HS3ST5: variants seen among roughly 807,000 people sequenced by gnomAD.
The protein encoded by HS3ST5 is heparan sulfate-glucosamine 3-sulfotransferase 5, also known as heparan sulfate glucosamine 3-O-sulfotransferase 5.
HS3ST5 carries 10 observed loss-of-function variants against 25.4 expected under a neutral mutation model. The observed-to-expected ratio is 0.39, with a 90% confidence interval of 0.24 to 0.67. The LOEUF (loss-of-function observed/expected upper bound fraction) is 0.67, where lower values mean the gene tolerates loss of function less well. HS3ST5 is among the 30% of genes least tolerant of loss of function. The probability of loss-of-function intolerance (pLI) is 0.44; values close to 1 mark genes in which losing one functional copy is unlikely to be tolerated. For synonymous variants in HS3ST5, 170 were observed against 162.4 expected (o/e 1.05, Z -0.36); for missense variants, 324 against 420.7 (o/e 0.77, Z 2.01).
At chr6:114,268,791 G>A (rs1054722596) in intron 1 of HS3ST5, among the ~76,000 whole-genome samples, 2 of 152,128 alleles carry the variant, frequency 1.3e-5, no homozygotes, top group African/African-American at 4.8e-5. Context: ...CAGGATAGAT[G>A]GGCTTTGACA....
rs981457511 is a variant in HS3ST5, at chr6:114,142,655, T to C, written c.-33+25696A>G. Reference sequence around the variant, plus strand: ...AGGTAAATGCCATTTACAGAAAGCATTCTGCATAATAAAACGATTTCAAAG... The same window carrying C: ...AGGTAAATGCCATTTACAGAAAGCACTCTGCATAATAAAACGATTTCAAAG... On this transcript the variant is annotated intron_variant, in intron 3 of 4. Transcript: ENST00000312719. The C allele has an allele frequency of 5.9e-5, 9 of 152,286 alleles. No individual in the cohort carries two copies. The East Asian group carries it at 9.6e-4, about 16-fold the overall frequency. 9.4% of individuals were successfully genotyped at this position (152,286 alleles called of 1,614,324 possible).
rs1554207034 is a variant in HS3ST5 at position 114,084,835 on chromosome 6, T to TTTC, written c.-32-21959_-32-21958insGAA. Reference sequence around the variant, plus strand: ...AAATTTCTTTTTTCTTTTCTTTTCTTTTTTTTTTTTTTTTTGAGACGGAGT... The same window carrying TTTC: ...AAATTTCTTTTTTCTTTTCTTTTCTTTTCTTTTTTTTTTTTTTTGAGACGGAGT... On this transcript the variant is annotated intron_variant, in intron 3 of 4. Coordinates refer to ENST00000312719, the MANE Select transcript of HS3ST5 (RefSeq NM_153612.4). The TTTC allele has an allele frequency of 2.4e-5, 9 of 367,682 alleles. No homozygotes were observed. In the East Asian group the frequency reaches 4.0e-4, roughly 16 times the overall value. 22.8% of individuals were successfully genotyped at this position (367,682 alleles called of 1,614,324 possible).
chr6:114,232,193 A>T (rs912517684), intron 1 of HS3ST5, among the ~76,000 whole-genome samples: 2 of 152,096 alleles, frequency 1.3e-5, no homozygotes, highest in Non-Finnish European at 2.9e-5. Flanking sequence ...ACCTTTCCAG[A>T]TTCTTCTAAT....
intron 1 of HS3ST5, among the ~76,000 whole-genome samples, chr6:114,310,527 CT>C (rs370173160): frequency 0.011 from 1,604 of 145,926 alleles, 22 homozygotes; most frequent in African/African-American, 0.032. Context: ...CACCAAATAG[CT>C]TTTTTTTTTT....
chr6:114,154,659 C>T (rs1248005355), intron 3 of HS3ST5, among the ~76,000 whole-genome samples: 2 of 152,178 alleles, frequency 1.3e-5, no homozygotes, highest in African/African-American at 2.4e-5. Context: ...GCCATTCTCC[C>T]TTCCCCTCAC....
chr6:114,064,625 T>C (rs1008150474), intron 3 of HS3ST5, among the ~76,000 whole-genome samples: 2 of 152,336 alleles, frequency 1.3e-5, no homozygotes, highest in African/African-American at 4.8e-5. Context: ...AGATTCTGTA[T>C]TGGGTACTAT....
intron 1 of HS3ST5, among the ~76,000 whole-genome samples, chr6:114,333,952 T>C (rs1206111894): frequency 6.6e-6 from 1 of 152,144 alleles, no homozygotes; most frequent in African/African-American, 2.4e-5. Context: ...CCCAAGCATC[T>C]GCAAGCCCAT....
At chr6:114,307,747 T>C (rs1037401132) in intron 1 of HS3ST5, among the ~76,000 whole-genome samples, 3 of 152,062 alleles carry the variant, frequency 2.0e-5, no homozygotes, top group Non-Finnish European at 4.4e-5. Context: ...GATAGCAATA[T>C]AACCAAGAAA....
chr6:114,309,822 C>T (rs980897560), intron 1 of HS3ST5, among the ~76,000 whole-genome samples: 1 of 152,160 alleles, frequency 6.6e-6, no homozygotes, highest in Non-Finnish European at 1.5e-5. Flanking sequence ...AAATATAGTA[C>T]TACATTTGTC....
At chr6:114,233,345 C>A (rs573752131) in intron 1 of HS3ST5, among the ~76,000 whole-genome samples, 1 of 152,136 alleles carries the variant, frequency 6.6e-6, no homozygotes, top group African/African-American at 2.4e-5. Context: ...ACTAATAATT[C>A]AACTCTGAAT....
intron 3 of HS3ST5, among the ~76,000 whole-genome samples, chr6:114,102,220 A>G (rs930877543): frequency 6.6e-6 from 1 of 152,242 alleles, no homozygotes; most frequent in Non-Finnish European, 1.5e-5. Context: ...AAGAATGTGT[A>G]TTAACTGCAG....
intron 2 of HS3ST5, among the ~76,000 whole-genome samples, chr6:114,203,560 A>G (rs1345573739): frequency 6.6e-6 from 1 of 152,144 alleles, no homozygotes; most frequent in African/African-American, 2.4e-5. Context: ...TCTTTGAGAT[A>G]TTTTTCAGAC....
At chr6:114,143,148 T>A (rs965501754) in intron 3 of HS3ST5, 1 of 152,236 alleles carries the variant, frequency 6.6e-6, no homozygotes, top group Non-Finnish European at 1.5e-5. Context: ...TCACTGGACA[T>A]GTGGCCTTGG....
At chr6:114,338,549 A>G (rs1776700559) in intron 1 of HS3ST5, among the ~76,000 whole-genome samples, 1 of 152,018 alleles carries the variant, frequency 6.6e-6, no homozygotes, top group Non-Finnish European at 1.5e-5. Context: ...TATGAGATTT[A>G]GAGAGGTTCA....
chr6:114,192,277 G>T (rs1201765488), intron 2 of HS3ST5, among the ~76,000 whole-genome samples: 2 of 152,062 alleles, frequency 1.3e-5, no homozygotes, highest in Non-Finnish European at 2.9e-5. Context: ...ACTTGATGAT[G>T]GTTGAGTGTT....
chr6:114,275,328 T>C (rs1212192471), intron 1 of HS3ST5, among the ~76,000 whole-genome samples: 2 of 152,088 alleles, frequency 1.3e-5, no homozygotes, highest in African/African-American at 4.8e-5. Flanking sequence ...TACAACTAAA[T>C]ACCAGTAGTA....
chr6:114,142,013 C>G (rs1421332980), intron 3 of HS3ST5, among the ~76,000 whole-genome samples: 2 of 151,724 alleles, frequency 1.3e-5, no homozygotes. Context: ...TTCCTCATTT[C>G]CTACAGCTGG....
At chr6:114,271,339 T>G (rs550980111) in intron 1 of HS3ST5, among the ~76,000 whole-genome samples, 51 of 152,216 alleles carry the variant, frequency 3.4e-4, no homozygotes, top group African/African-American at 1.2e-3. Context: ...TTCTCTTTTA[T>G]AATTTTTGGA....
chr6:114,266,691 G>A (rs911312487), intron 1 of HS3ST5, among the ~76,000 whole-genome samples: 6 of 152,198 alleles, frequency 3.9e-5, no homozygotes, highest in African/African-American at 9.6e-5. Flanking sequence ...ATATCACCAA[G>A]AACTTGTGGT....
Sources: gnomAD v4.1 joint callset for allele counts (sites outside exome capture counted in the v4.1 genomes callset) on GRCh38, gnomAD v4.1.1 for gene constraint, MANE v1.5 for transcripts, NCBI Gene and HGNC (gene_info 2026-07-23, HGNC 2026-07-21) for gene names.